The following CDH13 variants were observed in gnomAD, a reference collection of about 807,000 sequenced individuals.
CDH13 encodes the protein cadherin 13, also known as cadherin-13.
In CDH13, 24 loss-of-function variants were observed where a neutral mutation model predicts 63.8. That is an observed-to-expected ratio of 0.38 (90% CI 0.27 to 0.53). The LOEUF is 0.53. Among genes scored for constraint, CDH13 ranks in the 20% least tolerant of loss-of-function variants. CDH13 has a pLI of 0.85. For missense variants in CDH13, 1,049 were observed against 903.1 expected, an observed-to-expected ratio of 1.16 and a Z score of -2.07; for synonymous variants, 503 against 355.3, an observed-to-expected ratio of 1.42 and a Z score of -4.67.
At chr16:82,687,948 C>T (rs550193482) in intron 1 of CDH13, among the ~76,000 whole-genome samples, 40 of 152,234 alleles carry the variant, frequency 2.6e-4, no homozygotes, top group African/African-American at 7.7e-4. Flanking sequence ...CTTGGGACCG[C>T]GTTCGTAGGA....
chr16:83,567,890 C>G (rs984185081), intron 7 of CDH13, among the ~76,000 whole-genome samples: 1 of 152,196 alleles, frequency 6.6e-6, no homozygotes, highest in African/African-American at 2.4e-5. Context: ...CCACCACGCC[C>G]GGCCTAGACA....
chr16:82,778,714 C>T (rs1334214039), intron 1 of CDH13, among the ~76,000 whole-genome samples: 1 of 151,842 alleles, frequency 6.6e-6, no homozygotes, highest in African/African-American at 2.4e-5. Context: ...GATTTGAACT[C>T]ATACCTATCT....
At chr16:83,621,475 CTTTTTTT>C (rs72032168) in intron 8 of CDH13, among the ~76,000 whole-genome samples, 20 of 28,530 alleles carry the variant, frequency 7.0e-4, no homozygotes, top group African/African-American at 2.9e-3. Context: ...CCTCACCTGC[CTTTTTTT>C]TTTTTTTTTT....
chr16:83,556,396 T>A (rs2075602997), intron 7 of CDH13, among the ~76,000 whole-genome samples: 1 of 152,134 alleles, frequency 6.6e-6, no homozygotes, highest in Non-Finnish European at 1.5e-5. Context: ...CTCAGCATCA[T>A]CATGAACAAA....
intron 1 of CDH13, among the ~76,000 whole-genome samples, chr16:82,780,092 C>T (rs1339109620): frequency 6.6e-6 from 1 of 152,144 alleles, no homozygotes; most frequent in East Asian, 1.9e-4. Context: ...TGACTTAAAT[C>T]AAGCAACGGT....
chr16:82,886,350 A>G (rs2040885926), intron 2 of CDH13, among the ~76,000 whole-genome samples: 1 of 152,186 alleles, frequency 6.6e-6, no homozygotes, highest in Non-Finnish European at 1.5e-5. Flanking sequence ...TTGCATTTCC[A>G]TATGGTTTTG....
At chr16:83,301,581 C>G (rs145208236) in intron 5 of CDH13, among the ~76,000 whole-genome samples, 1 of 152,208 alleles carries the variant, frequency 6.6e-6, no homozygotes, top group East Asian at 1.9e-4. Flanking sequence ...GTCGGACCGA[C>G]AGACTATCTT....
At position 82,970,560 on chromosome 16, in the gene CDH13, C is replaced by T. The variant is rs548863838; in HGVS notation, c.158-61450C>T. 6.1e-3 allele frequency among the ~76,000 whole-genome samples: 764 copies of T among 126,004 alleles called. 40 individuals carry two copies. Among genetic ancestry groups the T allele is most frequent in the African/African-American group, 0.017 (639 of 38,152 alleles). The allele number at this position is 126,004 out of a possible 152,430, so 82.7% of individuals were successfully genotyped here. ...GACTACAGGCGCCCGCCACCGCGCC[C>T]GGCTAATTTTTTGTATTTTTAGTAG... On this transcript the variant is annotated intron_variant, in intron 2 of 13. Coordinates refer to ENST00000567109, the MANE Select transcript of CDH13 (RefSeq NM_001257.5).
chr16:83,543,725 C>A (rs9940786), intron 7 of CDH13, among the ~76,000 whole-genome samples: 1 of 152,026 alleles, frequency 6.6e-6, no homozygotes, highest in Admixed American at 6.6e-5. Flanking sequence ...CTGGGACCAG[C>A]GGGTATGCTG....
chr16:83,377,592 C>A (rs1028736627), intron 6 of CDH13, among the ~76,000 whole-genome samples: 1 of 152,292 alleles, frequency 6.6e-6, no homozygotes, highest in East Asian at 1.9e-4. Context: ...TAACATGCAA[C>A]CACAGGCCAT....
intron 5 of CDH13, among the ~76,000 whole-genome samples, chr16:83,243,850 A>G (rs939526714): frequency 7.2e-5 from 11 of 152,206 alleles, no homozygotes; most frequent in African/African-American, 2.2e-4. Context: ...TGGGCAACCT[A>G]TTGAACACAC....
chr16:83,544,001 T>G (rs2075339032), intron 7 of CDH13, among the ~76,000 whole-genome samples: 1 of 152,136 alleles, frequency 6.6e-6, no homozygotes, highest in Non-Finnish European at 1.5e-5. Flanking sequence ...ATCCAGCTGT[T>G]TGGATCAGAG....
intron 2 of CDH13, among the ~76,000 whole-genome samples, chr16:82,970,976 A>G (rs899851597): frequency 1.3e-5 from 2 of 152,240 alleles, no homozygotes; most frequent in African/African-American, 2.4e-5. Flanking sequence ...AAGGTTTCAC[A>G]TAGACTAGGT....
At chr16:83,039,023 G>T (rs934688491) in intron 3 of CDH13, among the ~76,000 whole-genome samples, 1 of 152,190 alleles carries the variant, frequency 6.6e-6, no homozygotes, top group African/African-American at 2.4e-5. Context: ...TTGAAACATG[G>T]AAGCCCACAC....
chr16:82,757,614 A>ATTATGTCAAC (rs1555511727), intron 1 of CDH13, among the ~76,000 whole-genome samples: 4 of 151,384 alleles, frequency 2.6e-5, no homozygotes, highest in East Asian at 1.9e-4. Context: ...TTGCAAATGC[A>ATTATGTCAAC]AGCTTTGGTA....
At chr16:82,701,990 C>T (rs540724678) in intron 1 of CDH13, among the ~76,000 whole-genome samples, 71 of 152,246 alleles carry the variant, frequency 4.7e-4, no homozygotes, top group African/African-American at 1.3e-3. Flanking sequence ...CATGAATAAG[C>T]GGCTTACAAA....
intron 2 of CDH13, among the ~76,000 whole-genome samples, chr16:82,870,547 T>G (rs987290953): frequency 6.6e-6 from 1 of 152,110 alleles, no homozygotes; most frequent in African/African-American, 2.4e-5. Context: ...CAAATACAGC[T>G]AGAATGAATA....
intron 4 of CDH13, among the ~76,000 whole-genome samples, chr16:83,203,371 T>TA: frequency 6.6e-6 from 1 of 151,838 alleles, no homozygotes; most frequent in Non-Finnish European, 1.5e-5. Flanking sequence ...CCGCCAAATC[T>TA]AAAATAACAT....
chr16:83,220,633 TA>T, intron 5 of CDH13, among the ~76,000 whole-genome samples: 1 of 47,650 alleles, frequency 2.1e-5, no homozygotes, highest in South Asian at 5.0e-4. Flanking sequence ...TAAATAAAAA[TA>T]AAAATAGAAA....
Sources: gnomAD v4.1 joint callset for allele counts (sites outside exome capture counted in the v4.1 genomes callset) on GRCh38, gnomAD v4.1.1 for gene constraint, MANE v1.5 for transcripts, NCBI Gene and HGNC (gene_info 2026-07-23, HGNC 2026-07-21) for gene names.